The following HEATR5B variants were observed in gnomAD, a reference collection of about 807,000 sequenced individuals.
HEATR5B encodes the protein HEAT repeat-containing protein 5B.
A neutral mutation model predicts 224.1 loss-of-function variants in HEATR5B; 156 were observed. The ratio of observed to expected loss-of-function variants is 0.70; its 90% CI spans 0.61 to 0.80. The LOEUF (loss-of-function observed/expected upper bound fraction) is 0.80, where lower values mean the gene tolerates loss of function less well. HEATR5B is among the 30% of genes least tolerant of loss of function. The probability of loss-of-function intolerance (pLI) is 0.00; values close to 1 mark genes in which losing one functional copy is unlikely to be tolerated. For synonymous variants in HEATR5B, 1,027 were observed against 893.0 expected, an observed-to-expected ratio of 1.15 and a Z score of -2.68; for missense variants, 2,323 against 2,535.5, an observed-to-expected ratio of 0.92 and a Z score of 1.80.
chr2:37,064,772 A>G lies in HEATR5B; in HGVS notation c.1552T>C (p.Cys518Arg). The stretch of plus-strand genomic sequence containing the variant: ...TTGGCATGAGGAATGCCCAAAGGAC[A>G]CTGATGTACTCCACCTAACAAAGCA... ...MAALLGGVHQ[C>R]PLGIPHAKGK... Residue 518 changes from cysteine (C) to arginine (R), a missense_variant, in exon 10 of 36, where the codon TGT becomes CGT. Around this residue, in one of 12 missense-constraint regions of HEATR5B, gnomAD observed 502 missense variants for 517.8 expected, o/e 0.97. Transcript: ENST00000233099. The G allele has an allele frequency of 6.2e-7, 1 of 1,614,082 alleles. No individual in the cohort carries two copies. Among genetic ancestry groups the G allele is most frequent in the Admixed American group, 1.7e-5 (1 of 60,004 alleles).
chr2:37,041,333 T>C, intron 18 of HEATR5B, 41 bp from the exon 19 acceptor site: 1 of 1,596,178 alleles, frequency 6.3e-7, no homozygotes, highest in Admixed American at 1.7e-5. Context: ...CTTTGCTATT[T>C]CCCTATAAAA....
At chr2:37,078,003 G>A (rs1193656598) in intron 3 of HEATR5B, among the ~76,000 whole-genome samples, 4 of 152,172 alleles carry the variant, frequency 2.6e-5, no homozygotes, top group Admixed American at 2.0e-4. Flanking sequence ...AATAGCTGTG[G>A]GTTTAGCTTA....
chr2:37,065,850 C>T lies in HEATR5B; in HGVS notation c.1238G>A (p.Ser413Asn). The change falls in exon 9 of 36, where the codon AGC (serine) becomes AAC (asparagine). Residue 413 changes from serine to asparagine, a missense_variant. By Grantham distance (46) the Ser-to-Asn change is conservative. Around this residue, in one of 12 missense-constraint regions of HEATR5B, gnomAD observed 502 missense variants for 517.8 expected, o/e 0.97. Transcript: ENST00000233099. Reference protein sequence around the residue: ...NKSGAADIAASQHVMVCALQE... With the variant: ...NKSGAADIAANQHVMVCALQE... ...GAGGGCACAGACCATCACATGCTGG[C>T]TTGCTGCAATGTCTGCTGCGCCAGA... The T allele has an allele frequency of 6.2e-7, 1 of 1,613,932 alleles. No individual in the cohort carries two copies. Among genetic ancestry groups the T allele is most frequent in the Non-Finnish European group, 8.5e-7 (1 of 1,179,868 alleles).
intron 22 of HEATR5B, among the ~76,000 whole-genome samples, chr2:37,030,412 G>C (rs1039025791): frequency 6.6e-6 from 1 of 152,022 alleles, no homozygotes; most frequent in Non-Finnish European, 1.5e-5. Context: ...GAATGTTAAC[G>C]GCTATGCAGC....
intron 33 of HEATR5B, 105 bp downstream of exon 33, chr2:37,000,481 T>C: frequency 1.2e-6 from 1 of 804,096 alleles, no homozygotes; most frequent in Non-Finnish European, 2.1e-6. Flanking sequence ...CTCTCTGAGA[T>C]GATTCATTGT....
At chr2:37,007,801 A>G (rs929108375) in intron 28 of HEATR5B, among the ~76,000 whole-genome samples, 2 of 152,154 alleles carry the variant, frequency 1.3e-5, no homozygotes, top group Admixed American at 1.3e-4. Context: ...TTCCTCACTG[A>G]TGCTAGTTTT....
In HEATR5B at chr2:37,079,346, A is replaced by T. The variant is rs556867265; in HGVS notation, c.127-15T>A. ...TTTACATCGGTCTGTTACAAAAAAA[A>T]TTTTTAAAAGAACATCATTAAAAAT... On this transcript the variant is annotated splice_polypyrimidine_tract_variant and intron_variant, in intron 2 of 35. Transcript: ENST00000233099. 4.9e-5 allele frequency: 74 copies of T among 1,512,184 alleles called. No homozygotes were observed. In the African/African-American group the frequency reaches 6.4e-4, roughly 13 times the overall value. The allele number at this position is 1,512,184 out of a possible 1,614,324, so 93.7% of individuals were successfully genotyped here.
At chr2:37,055,075 T>A in intron 16 of HEATR5B, 1 of 405,412 alleles carries the variant, frequency 2.5e-6, no homozygotes. Context: ...TAAAAGTAAG[T>A]AAGTACCTTT....
chr2:37,056,995 C>G (rs996390820), intron 15 of HEATR5B, among the ~76,000 whole-genome samples: 2 of 152,100 alleles, frequency 1.3e-5, no homozygotes, highest in Admixed American at 6.5e-5. Context: ...TAACTCATTC[C>G]TCTCCAACCT....
rs180795599 is a variant in HEATR5B, at chr2:36,985,785, C to T, written c.5911+2861G>A. Among the ~76,000 whole-genome samples, 598 of 152,096 alleles carry T rather than the reference C, an allele frequency of 3.9e-3. 2 individuals are homozygous for T. Among genetic ancestry groups the T allele is most frequent in the Non-Finnish European group, 5.2e-3 (351 of 68,002 alleles). ...TGACCAATGGTGCTGATCATTGCTA[C>T]ACCTCATTAATAATGCTACAAATTG... On this transcript the variant is annotated intron_variant, in intron 35 of 35. Transcript: ENST00000233099.
chr2:37,013,651 A>ATAT (rs1381179164), intron 27 of HEATR5B, among the ~76,000 whole-genome samples, 190 bp downstream of exon 27: 2 of 152,220 alleles, frequency 1.3e-5, no homozygotes, highest in Non-Finnish European at 2.9e-5. Context: ...TAATTTCCTC[A>ATAT]TATTATGTAG....
intron 21 of HEATR5B, among the ~76,000 whole-genome samples, chr2:37,034,383 G>A (rs1042262813): frequency 2.8e-5 from 4 of 142,548 alleles, no homozygotes; most frequent in African/African-American, 5.0e-5. Context: ...GGAGGCCGAG[G>A]CGGGCGGATC....
chr2:37,007,623 C>T (rs926973515), intron 28 of HEATR5B, among the ~76,000 whole-genome samples: 16 of 152,200 alleles, frequency 1.1e-4, no homozygotes, highest in Admixed American at 9.8e-4. Context: ...GCATGTGCCA[C>T]TGCACCCGGC....
intron 12 of HEATR5B, 31 bp from the exon 13 acceptor site, chr2:37,059,018 G>C (rs754928444): frequency 7.2e-7 from 1 of 1,380,278 alleles, no homozygotes; most frequent in Admixed American, 1.8e-5. Flanking sequence ...GACAGATTTG[G>C]AGTAGCTTTT....
chr2:37,019,781 C>A, intron 26 of HEATR5B, 28 bp downstream of exon 26: 1 of 1,465,506 alleles, frequency 6.8e-7, no homozygotes, highest in South Asian at 1.1e-5. Context: ...TAGAAGACAA[C>A]TATACAAAGT....
At chr2:36,998,937 G>A (rs1020484302) in intron 33 of HEATR5B, among the ~76,000 whole-genome samples, 24 of 152,018 alleles carry the variant, frequency 1.6e-4, no homozygotes, top group Admixed American at 3.3e-4. Context: ...ATATCAGGCC[G>A]AGTGTGGTGG....
chr2:37,018,421 C>G (rs969757164), intron 26 of HEATR5B, among the ~76,000 whole-genome samples: 1 of 152,144 alleles, frequency 6.6e-6, no homozygotes, highest in African/African-American at 2.4e-5. Flanking sequence ...ACCAAATTAC[C>G]TAGTCGAAGG....
In HEATR5B at chr2:37,007,363, A is replaced by C. The variant is rs1439147488; in HGVS notation, c.4523-59T>G. 7 of 1,235,826 alleles carry C rather than the reference A, an allele frequency of 5.7e-6. No individual in the cohort carries two copies. In the African/African-American group the frequency reaches 1.7e-4, roughly 30 times the overall value. The allele number at this position is 1,235,826 out of a possible 1,614,324, so 76.6% of individuals were successfully genotyped here. A position where few individuals can be genotyped will look rare whatever the true frequency, so the allele number is the denominator to read the frequency against. On this transcript the variant is annotated intron_variant, in intron 28 of 35. Coordinates refer to ENST00000233099, the MANE Select transcript of HEATR5B (RefSeq NM_019024.3). ...TTTTTTTTTTTTTTTTTTTTTTTTG[A>C]GACCAAGTCTCGTTCTGTCGCCCAG...
rs200559574 is a variant in HEATR5B, at chr2:37,007,119, C to G, written c.4708G>C (p.Ala1570Pro). 3.6e-5 allele frequency: 58 copies of G among 1,614,054 alleles called. No homozygotes were observed. The East Asian group carries it at 1.3e-3, about 36-fold the overall frequency. Residue 1570 changes from alanine to proline, a missense_variant, in exon 29 of 36, where the codon GCA (alanine) becomes CCA (proline). Ala to Pro is a conservative substitution (Grantham distance 27, BLOSUM62 -1). Around this residue, in one of 12 missense-constraint regions of HEATR5B, gnomAD observed 844 missense variants for 812.9 expected, o/e 1.04. Transcript: ENST00000233099. Reference sequence around the variant, plus strand: ...TTAGCACTACCCACTGCTCCTGATGCCTGGTTTAAATTGACAGATGTAGAA... The same window carrying G: ...TTAGCACTACCCACTGCTCCTGATGGCTGGTTTAAATTGACAGATGTAGAA... ...KRSTSVNLNQ[A>P]SGAVGSAKSL...
Sources: allele counts gnomAD v4.1 joint callset (sites outside exome capture counted in the v4.1 genomes callset), GRCh38; gene constraint gnomAD v4.1.1; regional missense constraint gnomAD v4.1.1; transcripts MANE v1.5; gene names NCBI Gene and HGNC (gene_info 2026-07-23, HGNC 2026-07-21).